The following PRR16 variants were observed in gnomAD, a reference collection of about 807,000 sequenced individuals.
The protein encoded by PRR16 is proline rich 16.
PRR16 carries 6 observed loss-of-function variants against 18.2 expected under a neutral mutation model. The ratio of observed to expected loss-of-function variants is 0.33; its 90% CI spans 0.18 to 0.65. The LOEUF (loss-of-function observed/expected upper bound fraction) is 0.65. PRR16 is among the 30% of genes least tolerant of loss of function. PRR16 has a pLI of 0.74. For missense variants in PRR16, 412 were observed against 376.6 expected (o/e 1.09, Z -0.78); for synonymous variants, 151 against 147.8 (o/e 1.02, Z -0.16).
intron 1 of PRR16, among the ~76,000 whole-genome samples, chr5:120,560,211 T>C (rs1025721520): frequency 2.0e-5 from 3 of 151,994 alleles, no homozygotes; most frequent in Non-Finnish European, 2.9e-5. Context: ...TTTGTCATGC[T>C]CCAGATCTTA....
intron 1 of PRR16, among the ~76,000 whole-genome samples, chr5:120,536,388 C>T (rs1216617226): frequency 6.6e-6 from 1 of 152,148 alleles, no homozygotes; most frequent in African/African-American, 2.4e-5. Flanking sequence ...TTTAGTGCTA[C>T]AATATTGCAC....
chr5:120,554,356 C>G (rs1752346216), intron 1 of PRR16, among the ~76,000 whole-genome samples: 1 of 151,846 alleles, frequency 6.6e-6, no homozygotes, highest in South Asian at 2.1e-4. Context: ...ATTTAAAATA[C>G]TAAACTAATA....
chr5:120,635,678 A>C (rs1488727994), intron 1 of PRR16, among the ~76,000 whole-genome samples: 1 of 152,138 alleles, frequency 6.6e-6, no homozygotes, highest in Non-Finnish European at 1.5e-5. Flanking sequence ...AATGGGGAAA[A>C]GTTAAAAGCA....
intron 1 of PRR16, among the ~76,000 whole-genome samples, chr5:120,477,042 A>G (rs867015142): frequency 6.6e-6 from 1 of 152,160 alleles, no homozygotes. Context: ...AGCTTGAAGA[A>G]TTACCATTTC....
chr5:120,677,905 C>CTT (rs386404833), intron 1 of PRR16, among the ~76,000 whole-genome samples: 43,998 of 92,414 alleles, frequency 0.48, 11,288 homozygotes, highest in East Asian at 0.67. Context: ...CTTTTTCTTT[C>CTT]TTTTTTTTTT....
chr5:120,755,081 C>T, the PRR16 span, among the ~76,000 whole-genome samples: 1 of 150,964 alleles, frequency 6.6e-6, no homozygotes, highest in African/African-American at 2.4e-5. Flanking sequence ...AGGAGATATA[C>T]CTAATGCTTA....
At chr5:120,699,819 G>A in the PRR16 span, among the ~76,000 whole-genome samples, 1 of 152,198 alleles carries the variant, frequency 6.6e-6, no homozygotes, top group South Asian at 2.1e-4. Flanking sequence ...TGTAGAAGGT[G>A]CTGGGGTTTG....
At chr5:120,723,959 GACAA>G in the PRR16 span, among the ~76,000 whole-genome samples, 6 of 150,378 alleles carry the variant, frequency 4.0e-5, no homozygotes, top group Admixed American at 4.0e-4. Context: ...AAAAAATACA[GACAA>G]TTATGGCATT....
chr5:120,679,950 ATATTG>A (rs1025683228), intron 1 of PRR16, among the ~76,000 whole-genome samples: 3 of 152,140 alleles, frequency 2.0e-5, no homozygotes, highest in Admixed American at 6.5e-5. Context: ...ATAGTTAATA[ATATTG>A]TATTGTATTC....
In PRR16 at chr5:120,631,573, C is replaced by T. The variant is rs111948664; in HGVS notation, c.160-54381C>T. Among the ~76,000 whole-genome samples the T allele has an allele frequency of 1.9e-3, 284 of 152,188 alleles. 1 individual carries two copies. The highest frequency in any genetic ancestry group is 6.4e-3 in the African/African-American group (266 of 41,530). Reference sequence around the variant, plus strand: ...GGTGACTGCTGGCATTTCCCCATTTCGCTGGTGACCTGTATGACTCAGTAG... The same window carrying T: ...GGTGACTGCTGGCATTTCCCCATTTTGCTGGTGACCTGTATGACTCAGTAG... On this transcript the variant is annotated intron_variant, in intron 1 of 1. Coordinates refer to ENST00000407149, the MANE Select transcript of PRR16 (RefSeq NM_001300783.2).
chr5:120,721,602 G>C, the PRR16 span, among the ~76,000 whole-genome samples: 1 of 152,008 alleles, frequency 6.6e-6, no homozygotes, highest in Non-Finnish European at 1.5e-5. Flanking sequence ...AGGTCAGTGT[G>C]CCAAATTGTT....
At chr5:120,567,125 C>A (rs1295883181) in intron 1 of PRR16, among the ~76,000 whole-genome samples, 3 of 152,138 alleles carry the variant, frequency 2.0e-5, no homozygotes, top group Non-Finnish European at 2.9e-5. Flanking sequence ...AGGAATAAAT[C>A]CATTGTCCTA....
At chr5:120,507,518 A>T (rs1750685447) in intron 1 of PRR16, among the ~76,000 whole-genome samples, 1 of 152,090 alleles carries the variant, frequency 6.6e-6, no homozygotes, top group Non-Finnish European at 1.5e-5. Flanking sequence ...CTTACAGAAA[A>T]GTGTGATTCC....
intron 1 of PRR16, among the ~76,000 whole-genome samples, chr5:120,628,116 G>C (rs1754927788): frequency 6.6e-6 from 1 of 151,990 alleles, no homozygotes; most frequent in Non-Finnish European, 1.5e-5. Context: ...AAGATGGATT[G>C]TTCCCTGAAA....
At chr5:120,601,614 G>C (rs138427949) in intron 1 of PRR16, among the ~76,000 whole-genome samples, 126 of 152,000 alleles carry the variant, frequency 8.3e-4, no homozygotes, top group African/African-American at 2.9e-3. Context: ...AATGTTTTTG[G>C]ATTCTTTCTC....
the PRR16 span, among the ~76,000 whole-genome samples, chr5:120,702,892 C>T: frequency 6.6e-6 from 1 of 152,136 alleles, no homozygotes; most frequent in Non-Finnish European, 1.5e-5. Flanking sequence ...TCTCAGGGAG[C>T]AAAGAACAGG....
intron 1 of PRR16, among the ~76,000 whole-genome samples, chr5:120,587,533 C>G (rs1458786143): frequency 6.6e-6 from 1 of 152,180 alleles, no homozygotes; most frequent in East Asian, 1.9e-4. Context: ...AAGAATGATG[C>G]TAAATCTACT....
intron 1 of PRR16, among the ~76,000 whole-genome samples, chr5:120,644,483 A>G (rs79849632): frequency 0.058 from 8,823 of 152,210 alleles, 310 homozygotes; most frequent in South Asian, 0.083. Context: ...TTGGGAAGAT[A>G]CATGGTGAAG....
the PRR16 span, among the ~76,000 whole-genome samples, chr5:120,752,595 T>C: frequency 0.1 from 15,750 of 152,060 alleles, 1,036 homozygotes; most frequent in African/African-American, 0.18. Context: ...TGTGAAATGA[T>C]ACCATTATGT....
Sources: gnomAD v4.1 joint callset for allele counts (sites outside exome capture counted in the v4.1 genomes callset) on GRCh38, gnomAD v4.1.1 for gene constraint, MANE v1.5 for transcripts, NCBI Gene and HGNC (gene_info 2026-07-23, HGNC 2026-07-21) for gene names.